HYAL4: variants seen among roughly 807,000 people sequenced by gnomAD.
HYAL4 encodes the protein hyaluronidase-4.
Under a neutral mutation model 35.2 loss-of-function variants are expected in HYAL4, and 37 were observed. The ratio of observed to expected loss-of-function variants is 1.05; its 90% CI spans 0.81 to 1.38. HYAL4 has a LOEUF of 1.38. HYAL4 is among the 40% of genes most tolerant of loss of function. HYAL4 has a pLI of 0.00. For missense variants in HYAL4, 572 were observed against 572.4 expected (o/e 1.00, Z 0.01); for synonymous variants, 198 against 203.2 (o/e 0.97, Z 0.22).
chr7:123,781,733 T>A, the HYAL4 span, among the ~76,000 whole-genome samples: 1 of 152,198 alleles, frequency 6.6e-6, no homozygotes, highest in Non-Finnish European at 1.5e-5. Context: ...TGCATGTATA[T>A]TGAAATAATA....
rs200221721 is a variant in HYAL4 at position 123,857,669 on chromosome 7, GTTTCTTTCTTTCTTTCTTTCTTTC to G, written c.-52+9552_-52+9575del. On this transcript the variant is annotated intron_variant, in intron 2 of 4. Coordinates refer to ENST00000223026, the MANE Select transcript of HYAL4 (RefSeq NM_012269.3). ...CCTTTCTTTGTTTCTTTCTTTGTTT[GTTTCTTTCTTTCTTTCTTTCTTTC>G]TTTCTTTCTTTCTTTCTTTCTTTCT... 4.6e-3 allele frequency among the ~76,000 whole-genome samples: 571 copies of G among 124,738 alleles called. 3 individuals carry two copies. The highest frequency in any genetic ancestry group is 5.7e-3 in the Non-Finnish European group (321 of 56,178). 81.8% of individuals were successfully genotyped at this position (124,738 alleles called of 152,430 possible). A position where few individuals can be genotyped will look rare whatever the true frequency, so the allele number is the denominator to read the frequency against.
At chr7:123,876,474 TG>T (rs1807026654) in intron 4 of HYAL4, among the ~76,000 whole-genome samples, 1 of 152,172 alleles carries the variant, frequency 6.6e-6, no homozygotes, top group African/African-American at 2.4e-5. Flanking sequence ...GTGCTGATTC[TG>T]GGGGCTATTT....
intron 2 of HYAL4, among the ~76,000 whole-genome samples, chr7:123,862,999 A>G (rs1016970267): frequency 6.6e-6 from 1 of 152,212 alleles, no homozygotes; most frequent in Admixed American, 6.5e-5. Flanking sequence ...GCTCTGCCAC[A>G]GGGCCTTTGC....
chr7:123,857,652 T>G (rs1806472850), intron 2 of HYAL4, among the ~76,000 whole-genome samples: 2 of 151,292 alleles, frequency 1.3e-5, no homozygotes, highest in Non-Finnish European at 1.5e-5. Flanking sequence ...TGCCTTTCTT[T>G]GTTTCTTTCT....
intron 1 of HYAL4, among the ~76,000 whole-genome samples, chr7:123,829,861 A>G (rs1480669283): frequency 1.3e-5 from 2 of 152,164 alleles, no homozygotes; most frequent in Non-Finnish European, 2.9e-5. Flanking sequence ...CCAATAAACT[A>G]ACAAGCACAC....
chr7:123,852,827 C>T (rs779088859), intron 2 of HYAL4, among the ~76,000 whole-genome samples: 5 of 152,132 alleles, frequency 3.3e-5, no homozygotes, highest in Admixed American at 6.6e-5. Flanking sequence ...TTACCTTGGG[C>T]AGTATGGCCA....
chr7:123,774,737 C>CAAT, the HYAL4 span, among the ~76,000 whole-genome samples: 16 of 152,208 alleles, frequency 1.1e-4, no homozygotes, highest in Admixed American at 2.6e-4. Context: ...CCTGCCTATT[C>CAAT]AGTTCCTTGA....
the HYAL4 span, among the ~76,000 whole-genome samples, chr7:123,798,355 G>A: frequency 2.0e-5 from 3 of 152,144 alleles, no homozygotes; most frequent in Admixed American, 6.6e-5. Flanking sequence ...AAGAGTAGGT[G>A]TGTTCCTTCA....
At chr7:123,851,010 A>T (rs1164746676) in intron 2 of HYAL4, among the ~76,000 whole-genome samples, 1 of 152,206 alleles carries the variant, frequency 6.6e-6, no homozygotes, top group East Asian at 1.9e-4. Flanking sequence ...AAATAAACTT[A>T]TTTTTAAAGA....
the HYAL4 span, among the ~76,000 whole-genome samples, chr7:123,803,612 C>G: frequency 1.3e-5 from 2 of 152,194 alleles, no homozygotes; most frequent in African/African-American, 4.8e-5. Flanking sequence ...TCTCAAAATT[C>G]TATCTTCAGA....
the HYAL4 span, among the ~76,000 whole-genome samples, chr7:123,810,554 G>A: frequency 3.3e-5 from 5 of 152,298 alleles, no homozygotes; most frequent in African/African-American, 1.2e-4. Context: ...TGAGCAGAAA[G>A]TAGAGAGACT....
At chr7:123,778,079 A>G in the HYAL4 span, among the ~76,000 whole-genome samples, 1 of 152,152 alleles carries the variant, frequency 6.6e-6, no homozygotes, top group Non-Finnish European at 1.5e-5. Flanking sequence ...CAACTCCTAT[A>G]TACCTTTCAA....
chr7:123,766,575 A>G, the HYAL4 span, among the ~76,000 whole-genome samples: 1 of 152,156 alleles, frequency 6.6e-6, no homozygotes, highest in Non-Finnish European at 1.5e-5. Flanking sequence ...TGTTGACTTA[A>G]TGGAAGATTT....
At chr7:123,855,331 T>C (rs1584918632) in intron 2 of HYAL4, among the ~76,000 whole-genome samples, 1 of 152,206 alleles carries the variant, frequency 6.6e-6, no homozygotes, top group East Asian at 1.9e-4. Flanking sequence ...GTTTTTGCAG[T>C]GGCGGGTACC....
chr7:123,769,839 C>A, the HYAL4 span, among the ~76,000 whole-genome samples: 7 of 147,174 alleles, frequency 4.8e-5, no homozygotes, highest in African/African-American at 1.7e-4. Context: ...AAAAAAAACA[C>A]CGTTAAACAA....
chr7:123,858,034 C>A (rs996345994), intron 2 of HYAL4, among the ~76,000 whole-genome samples: 1 of 151,800 alleles, frequency 6.6e-6, no homozygotes, highest in African/African-American at 2.4e-5. Flanking sequence ...CTGTCTCTGC[C>A]AAAATATAAA....
At chr7:123,857,666 T>TTTCTTTCG in intron 2 of HYAL4, among the ~76,000 whole-genome samples, 1 of 61,510 alleles carries the variant, frequency 1.6e-5, no homozygotes, top group African/African-American at 7.1e-5. Flanking sequence ...TCTTTCTTTG[T>TTTCTTTCG]TTGTTTCTTT....
At chr7:123,859,571 A>C (rs1806534892) in intron 2 of HYAL4, among the ~76,000 whole-genome samples, 1 of 152,204 alleles carries the variant, frequency 6.6e-6, no homozygotes, top group Non-Finnish European at 1.5e-5. Context: ...TCCATTAAAA[A>C]AAATCATTCT....
upstream of HYAL4, among the ~76,000 whole-genome samples, chr7:123,824,526 C>T (rs1390877411): frequency 2.6e-5 from 4 of 152,032 alleles, no homozygotes; most frequent in East Asian, 5.8e-4. Flanking sequence ...TTACATGAAG[C>T]GCTGCTGCAA....
Sources: allele counts gnomAD v4.1 joint callset (sites outside exome capture counted in the v4.1 genomes callset), GRCh38; gene constraint gnomAD v4.1.1; transcripts MANE v1.5; gene names NCBI Gene and HGNC (gene_info 2026-07-23, HGNC 2026-07-21).